CBLB: variants seen among roughly 807,000 people sequenced by gnomAD.
CBLB encodes the protein E3 ubiquitin-protein ligase CBL-B.
CBLB carries 31 observed loss-of-function variants against 104.9 expected under a neutral mutation model. That is an observed-to-expected ratio of 0.30 (90% CI 0.22 to 0.40). The LOEUF (loss-of-function observed/expected upper bound fraction) is 0.40. Among genes scored for constraint, CBLB ranks in the 10% least tolerant of loss-of-function variants. The pLI is 1.00. For missense variants in CBLB, 1,062 were observed against 1,214.6 expected, an observed-to-expected ratio of 0.87 and a Z score of 1.87; for synonymous variants, 440 against 422.6, an observed-to-expected ratio of 1.04 and a Z score of -0.51.
At position 105,663,064 on chromosome 3, in the gene CBLB, CTGTTA is replaced by C. The variant is rs1576110233; in HGVS notation, c.2690-3840_2690-3836del. On this transcript the variant is annotated intron_variant, in intron 18 of 18. Transcript: ENST00000394030. ...GAGACCTTCACTATCACAGTTACTG[CTGTTA>C]CTACCTGAGACCTTCACCATGACAG... is the stretch of plus-strand genomic sequence containing the variant. Among the ~76,000 whole-genome samples the C allele has an allele frequency of 1.1e-4, 17 of 152,330 alleles. No individual in the cohort carries two copies. In the East Asian group the frequency reaches 2.9e-3, roughly 26 times the overall value.
At chr3:105,753,039 C>T (rs2076731422) in intron 4 of CBLB, among the ~76,000 whole-genome samples, 1 of 152,038 alleles carries the variant, frequency 6.6e-6, no homozygotes, top group African/African-American at 2.4e-5. Context: ...ACCTGTAATG[C>T]TAAAGAATCT....
intron 4 of CBLB, among the ~76,000 whole-genome samples, chr3:105,770,087 T>G (rs6777124): frequency 0.55 from 82,870 of 150,128 alleles, 23,471 homozygotes; most frequent in Middle Eastern, 0.67. Context: ...TTTTTGTTTT[T>G]TTTTTTTTTT....
chr3:105,693,904 A>G (rs960144398), intron 12 of CBLB, among the ~76,000 whole-genome samples: 3 of 152,052 alleles, frequency 2.0e-5, no homozygotes, highest in African/African-American at 4.8e-5. Flanking sequence ...AACTATGATC[A>G]GTTTTTATTG....
At position 105,657,014 on chromosome 3, in the gene CBLB, C is replaced by A. The variant is rs1328845682; in HGVS notation, c.*1956G>T. 3 of 224,810 alleles carry A rather than the reference C, an allele frequency of 1.3e-5. No individual in the cohort carries two copies. Among genetic ancestry groups the A allele is most frequent in the African/African-American group, 6.7e-5 (3 of 44,834 alleles). The allele number at this position is 224,810 out of a possible 1,614,324, so 13.9% of individuals were successfully genotyped here. A position where few individuals can be genotyped will look rare whatever the true frequency, so the allele number is the denominator to read the frequency against. ...ATGTACCTACTCATGGGAAGAACAT[C>A]TAAGGCAAATGAAAAATTCCCCTCC... On this transcript the variant is annotated 3_prime_UTR_variant, in exon 19 of 19. Coordinates refer to ENST00000394030, the MANE Select transcript of CBLB (RefSeq NM_170662.5).
intron 3 of CBLB, among the ~76,000 whole-genome samples, chr3:105,818,259 G>A (rs1308640656): frequency 6.6e-6 from 1 of 152,038 alleles, no homozygotes; most frequent in Admixed American, 6.5e-5. Context: ...ATCAAATTTA[G>A]CAAATAAGCT....
intron 3 of CBLB, among the ~76,000 whole-genome samples, chr3:105,842,246 T>TC (rs1236085528): frequency 8.5e-5 from 13 of 152,184 alleles, no homozygotes; most frequent in Non-Finnish European, 1.5e-4. Context: ...CCTAATGCTG[T>TC]CCCTCTGTGA....
At chr3:105,791,622 G>A (rs999828790) in intron 3 of CBLB, among the ~76,000 whole-genome samples, 1 of 152,126 alleles carries the variant, frequency 6.6e-6, no homozygotes, top group African/African-American at 2.4e-5. Context: ...ACTGAAATCC[G>A]TTCTTTTAAA....
At chr3:105,671,960 C>A (rs2065101699) in intron 17 of CBLB, 1 of 191,754 alleles carries the variant, frequency 5.2e-6, no homozygotes, top group South Asian at 1.9e-4. Context: ...GTTAGAGAAA[C>A]CAAAGGAAAC....
At chr3:105,735,122 A>G (rs2074765158) in intron 8 of CBLB, among the ~76,000 whole-genome samples, 1 of 152,210 alleles carries the variant, frequency 6.6e-6, no homozygotes, top group Non-Finnish European at 1.5e-5. Context: ...ATAAATAATA[A>G]TATTTAGTCC....
intron 17 of CBLB, chr3:105,673,846 A>G (rs980753284): frequency 1.3e-5 from 2 of 152,176 alleles, no homozygotes; most frequent in African/African-American, 2.4e-5. Context: ...TTTCCCAAAT[A>G]CTGTAACTGA....
chr3:105,723,286 T>C (rs1311573929), intron 9 of CBLB, among the ~76,000 whole-genome samples: 1 of 152,162 alleles, frequency 6.6e-6, no homozygotes, highest in Non-Finnish European at 1.5e-5. Context: ...GATCAAATAA[T>C]ATGCATTAAT....
chr3:105,765,949 C>A (rs2078173842), intron 4 of CBLB, among the ~76,000 whole-genome samples: 4 of 152,254 alleles, frequency 2.6e-5, no homozygotes, highest in African/African-American at 9.6e-5. Flanking sequence ...ATTGTGATAG[C>A]TCTGGGCAAA....
At chr3:105,732,271 A>T (rs1174696282) in intron 9 of CBLB, among the ~76,000 whole-genome samples, 2 of 152,214 alleles carry the variant, frequency 1.3e-5, no homozygotes, top group African/African-American at 2.4e-5. Flanking sequence ...TCTTCTACCA[A>T]CATATCTACA....
At chr3:105,760,142 G>T (rs2077480522) in intron 4 of CBLB, among the ~76,000 whole-genome samples, 6 of 151,886 alleles carry the variant, frequency 4.0e-5, no homozygotes, top group Admixed American at 3.9e-4. Flanking sequence ...CTAACTTCTG[G>T]TCTCACATCC....
At chr3:105,767,679 A>G (rs3732553) in intron 4 of CBLB, among the ~76,000 whole-genome samples, 2,399 of 151,974 alleles carry the variant, frequency 0.016, 54 homozygotes, top group East Asian at 0.11. Flanking sequence ...CAATTGGTTA[A>G]TTATTCCACA....
rs1463084496 is a variant in CBLB, at chr3:105,798,746, T to C, written c.420-22204A>G. On this transcript the variant is annotated intron_variant, in intron 3 of 18. Transcript: ENST00000394030. ...AAGAGCTACTCTTTTTTTTCCCCTT[T>C]GCTGCTTATTTTGAGTGACATGCAT... 3.3e-5 allele frequency among the ~76,000 whole-genome samples: 5 copies of C among 152,208 alleles called. No homozygotes were observed. The South Asian group carries it at 1.0e-3, about 31-fold the overall frequency.
intron 3 of CBLB, among the ~76,000 whole-genome samples, chr3:105,804,492 G>A (rs1054570700): frequency 6.6e-6 from 1 of 151,124 alleles, no homozygotes; most frequent in Non-Finnish European, 1.5e-5. Flanking sequence ...CTGCACTCCA[G>A]CCTGGGTGAC....
At chr3:105,861,004 T>C (rs2092037359) in intron 2 of CBLB, among the ~76,000 whole-genome samples, 1 of 152,110 alleles carries the variant, frequency 6.6e-6, no homozygotes, top group African/African-American at 2.4e-5. Context: ...TTTTCATTGA[T>C]ACTGTAAGAT....
rs754038300 is a variant in CBLB at position 105,704,063 on chromosome 3, G to A, written c.1518C>T (p.Pro506=). 3.5e-5 allele frequency: 56 copies of A among 1,614,018 alleles called. No individual in the cohort carries two copies. Among genetic ancestry groups the A allele is most frequent in the Admixed American group, 6.7e-5 (4 of 60,000 alleles). ...GAATTAGATCCAGGCGAGGAGGCAC[G>A]GGTGGCAGGCTTAGATGTGGGATCT... The part of the protein sequence containing the change: ...PLQIPHLSLP[P]VPPRLDLIQK... The change falls in exon 11 of 19, where the codon CCC becomes CCT. Residue 506 remains proline, a synonymous_variant. Transcript: ENST00000394030.
Sources: allele counts gnomAD v4.1 joint callset (sites outside exome capture counted in the v4.1 genomes callset), GRCh38; gene constraint gnomAD v4.1.1; transcripts MANE v1.5; gene names NCBI Gene and HGNC (gene_info 2026-07-23, HGNC 2026-07-21).